The following KLHL13 variants were observed in gnomAD, a reference collection of about 807,000 sequenced individuals.
KLHL13 encodes the protein kelch-like protein 13.
Under a neutral mutation model 37.1 loss-of-function variants are expected in KLHL13, and 10 were observed. The ratio of observed to expected loss-of-function variants is 0.27; its 90% CI spans 0.17 to 0.46. KLHL13 has a LOEUF of 0.46. Among genes scored for constraint, KLHL13 ranks in the 20% least tolerant of loss-of-function variants. The pLI, the probability that KLHL13 is intolerant of heterozygous loss-of-function variation, is 1.00. For synonymous variants in KLHL13, 163 were observed against 181.2 expected (o/e 0.90, Z 0.81); for missense variants, 360 against 509.3 (o/e 0.71, Z 2.82).
intron 1 of KLHL13, among the ~76,000 whole-genome samples, chrX:117,991,454 T>A (rs1395853699): frequency 9.0e-6 from 1 of 111,447 alleles, no homozygotes; most frequent in African/African-American, 3.3e-5. Context: ...ATTCAAAATT[T>A]AGAATTCATT....
chrX:117,951,467 G>A (rs1197035426), intron 1 of KLHL13, among the ~76,000 whole-genome samples: 1 of 110,393 alleles, frequency 9.1e-6, no homozygotes. Flanking sequence ...TTCTTAATGA[G>A]GTGTTTGCCT....
At chrX:118,036,506 T>A (rs1213654809) in intron 1 of KLHL13, among the ~76,000 whole-genome samples, 1 of 111,721 alleles carries the variant, frequency 9.0e-6, no homozygotes, top group Non-Finnish European at 1.9e-5. Context: ...GATTCCCTAT[T>A]TAATAAATGA....
chrX:118,066,939 C>G, intron 1 of KLHL13, among the ~76,000 whole-genome samples: 1 of 111,826 alleles, frequency 8.9e-6, no homozygotes, highest in Middle Eastern at 4.6e-3. Context: ...ATTCTTTATT[C>G]TTCCCATTGG....
At chrX:117,913,510 G>T (rs746629038) in intron 4 of KLHL13, among the ~76,000 whole-genome samples, 23 of 112,317 alleles carry the variant, frequency 2.0e-4, no homozygotes, top group Non-Finnish European at 3.9e-4. Flanking sequence ...TAAAAACAGA[G>T]TTATAACAGA....
chrX:118,000,047 C>T (rs1254651929), intron 1 of KLHL13, among the ~76,000 whole-genome samples: 1 of 111,984 alleles, frequency 8.9e-6, no homozygotes, highest in Non-Finnish European at 1.9e-5. Flanking sequence ...GCTCCTAACT[C>T]ATTTCATACT....
chrX:118,017,493 G>T (rs751940784), intron 1 of KLHL13, among the ~76,000 whole-genome samples: 1 of 111,440 alleles, frequency 9.0e-6, no homozygotes, highest in South Asian at 3.8e-4. Flanking sequence ...ATTGGTTATT[G>T]CAGGACGTCA....
chrX:118,093,579 C>T (rs1332178504), intron 1 of KLHL13, among the ~76,000 whole-genome samples: 1 of 111,866 alleles, frequency 8.9e-6, no homozygotes, highest in Admixed American at 9.5e-5. Flanking sequence ...ATTCCTATTA[C>T]ATGCTACTCT....
At chrX:118,091,824 T>C (rs1306018365) in intron 1 of KLHL13, among the ~76,000 whole-genome samples, 1 of 111,249 alleles carries the variant, frequency 9.0e-6, no homozygotes, top group African/African-American at 3.3e-5. Flanking sequence ...AATGTGGAGA[T>C]ACACAACACA....
chrX:117,951,818 T>A (rs945418009), intron 1 of KLHL13, among the ~76,000 whole-genome samples: 4 of 112,279 alleles, frequency 3.6e-5, no homozygotes, highest in African/African-American at 1.3e-4. Context: ...TCCTATTTAA[T>A]CCTTGTAATA....
chrX:117,952,151 C>T (rs1365403214), intron 1 of KLHL13, among the ~76,000 whole-genome samples: 1 of 111,909 alleles, frequency 8.9e-6, no homozygotes, highest in Non-Finnish European at 1.9e-5. Context: ...TGATTTCAAA[C>T]TGTACTACAA....
At chrX:117,950,331 G>C (rs1933523727) in intron 1 of KLHL13, among the ~76,000 whole-genome samples, 1 of 111,352 alleles carries the variant, frequency 9.0e-6, no homozygotes, top group African/African-American at 3.3e-5. Context: ...GCCGCGCGCA[G>C]TGGCAGGTGC....
At position 118,105,892 on chromosome X, in the gene KLHL13, C is replaced by CTTT. The variant is rs754130371; in HGVS notation, c.-56+10613_-56+10615dup. ...TTAAAGGATCCTTTGGTCTAAACAG[C>CTTT]TTTTTTTTTTTTTTTTTTTTTTTTT... On this transcript the variant is annotated intron_variant, in intron 1 of 6. Coordinates refer to the KLHL13 transcript ENST00000371882. 7.5e-4 allele frequency among the ~76,000 whole-genome samples: 50 copies of CTTT among 67,054 alleles called. 1 individual carries two copies. Among genetic ancestry groups the CTTT allele is most frequent in the African/African-American group, 1.6e-3 (22 of 14,187 alleles). The allele number at this position is 67,054 out of a possible 115,157, so 58.2% of individuals were successfully genotyped here. A position where few individuals can be genotyped will look rare whatever the true frequency, so the allele number is the denominator to read the frequency against.
At chrX:118,035,487 A>G (rs1041710389) in intron 1 of KLHL13, among the ~76,000 whole-genome samples, 4 of 109,827 alleles carry the variant, frequency 3.6e-5, no homozygotes, top group Non-Finnish European at 7.5e-5. Context: ...ACCAAAGACA[A>G]AAACCACATG....
intron 1 of KLHL13, among the ~76,000 whole-genome samples, chrX:118,069,154 C>G (rs2054828620): frequency 9.2e-6 from 1 of 108,901 alleles, no homozygotes; most frequent in Non-Finnish European, 1.9e-5. Flanking sequence ...CACACCCTCA[C>G]CTGAACTGAA....
chrX:117,919,139 T>G (rs1426296617), intron 4 of KLHL13, among the ~76,000 whole-genome samples: 1 of 111,028 alleles, frequency 9.0e-6, no homozygotes, highest in East Asian at 2.8e-4. Context: ...TTCTCCTGCC[T>G]CAGCCTCCCA....
chrX:117,999,869 G>GT (rs1178117982), intron 1 of KLHL13, among the ~76,000 whole-genome samples: 4 of 111,602 alleles, frequency 3.6e-5, no homozygotes, highest in Non-Finnish European at 7.5e-5. Context: ...TTATAGCCCA[G>GT]TTAGGTCAAA....
intron 1 of KLHL13, among the ~76,000 whole-genome samples, chrX:117,951,839 C>T (rs926934548): frequency 8.9e-6 from 1 of 112,192 alleles, no homozygotes. Context: ...ACTCATTTAA[C>T]TTACAAAGGA....
intron 2 of KLHL13, among the ~76,000 whole-genome samples, chrX:117,931,956 A>G (rs1366564754): frequency 1.8e-5 from 2 of 111,508 alleles, no homozygotes; most frequent in Non-Finnish European, 3.8e-5. Flanking sequence ...AACATCAATA[A>G]TAGCATTAAA....
intron 2 of KLHL13, among the ~76,000 whole-genome samples, chrX:117,923,861 T>A (rs959918386): frequency 1.8e-5 from 2 of 111,821 alleles, no homozygotes; most frequent in Non-Finnish European, 3.8e-5. Context: ...CTATCATTTT[T>A]AAAAAATCCT....
Sources: gnomAD v4.1 joint callset for allele counts (sites outside exome capture counted in the v4.1 genomes callset) on GRCh38, gnomAD v4.1.1 for gene constraint, MANE v1.5 for transcripts, NCBI Gene and HGNC (gene_info 2026-07-23, HGNC 2026-07-21) for gene names.